The following DHX30 variants were observed in gnomAD, a reference collection of about 807,000 sequenced individuals.
The protein encoded by DHX30 is ATP-dependent RNA helicase DHX30.
A neutral mutation model predicts 116.9 loss-of-function variants in DHX30; 4 were observed. The ratio of observed to expected loss-of-function variants is 0.03; its 90% CI spans 0.02 to 0.08. The LOEUF (loss-of-function observed/expected upper bound fraction) is 0.08. Ranked by LOEUF, DHX30 falls within the 10% of genes least tolerant of loss-of-function variation. The probability of loss-of-function intolerance (pLI) is 1.00; values close to 1 mark genes in which losing one functional copy is unlikely to be tolerated. For synonymous variants in DHX30, 697 were observed against 651.7 expected (o/e 1.07, Z -1.06); for missense variants, 871 against 1,595.1 (o/e 0.55, Z 7.73).
At chr3:47,819,500 G>A (rs1576473503) in intron 4 of DHX30, among the ~76,000 whole-genome samples, 1 of 152,206 alleles carries the variant, frequency 6.6e-6, no homozygotes, top group East Asian at 1.9e-4. Context: ...CCTCCAGGAG[G>A]CATCCGTGGG....
At chr3:47,824,400 G>T (rs1365357781) in intron 4 of DHX30, among the ~76,000 whole-genome samples, 1 of 152,162 alleles carries the variant, frequency 6.6e-6, no homozygotes, top group Non-Finnish European at 1.5e-5. Flanking sequence ...CAGCCCTGGG[G>T]ATTAAATCTG....
intron 9 of DHX30, among the ~76,000 whole-genome samples, chr3:47,843,813 C>T (rs182143931): frequency 2.6e-5 from 4 of 152,330 alleles, no homozygotes; most frequent in African/African-American, 9.6e-5. Context: ...ATCCTTTCAC[C>T]TCAGCCTCCT....
rs2037601159 is a variant in DHX30, at chr3:47,846,227, C to T, written c.1155C>T (p.Pro385=). The change falls in exon 11 of 22, where the codon CCC becomes CCT. Residue 385 remains proline (P), a synonymous_variant. Coordinates refer to ENST00000445061, the MANE Select transcript of DHX30 (RefSeq NM_138615.3). The part of the protein sequence containing the change: ...ELRLQSDDIL[P]LGKDSGPLSD... ...GGCTGCAGAGTGATGACATCTTGCC[C>T]TTGGGCAAGGACTCAGGGCCTCTGA... 2 of 1,614,048 alleles carry T rather than the reference C, an allele frequency of 1.2e-6. No homozygotes were observed. The highest frequency in any genetic ancestry group is 1.7e-6 in the Non-Finnish European group (2 of 1,180,052).
intron 4 of DHX30, among the ~76,000 whole-genome samples, chr3:47,823,510 C>T (rs1390552069): frequency 2.0e-5 from 3 of 151,976 alleles, no homozygotes; most frequent in South Asian, 2.1e-4. Context: ...ACTACAGGCG[C>T]GTGCCACCAT....
At chr3:47,819,247 A>G in intron 4 of DHX30, 1 of 1,367,894 alleles carries the variant, frequency 7.3e-7, no homozygotes, top group South Asian at 1.1e-5. Flanking sequence ...CTGAACGTTA[A>G]CATTTCCAAC....
intron 4 of DHX30, among the ~76,000 whole-genome samples, chr3:47,824,492 A>G (rs910162937): frequency 1.3e-5 from 2 of 151,986 alleles, no homozygotes; most frequent in Admixed American, 1.3e-4. Flanking sequence ...GGGTTTCACT[A>G]TGCTGCCCAG....
At chr3:47,843,522 C>T (rs778187820) in intron 9 of DHX30, among the ~76,000 whole-genome samples, 2 of 152,192 alleles carry the variant, frequency 1.3e-5, no homozygotes, top group Non-Finnish European at 2.9e-5. Context: ...AGGAAACTTG[C>T]TCATTGTTCT....
intron 8 of DHX30, chr3:47,842,787 A>T (rs1316016700): frequency 4.0e-6 from 1 of 248,878 alleles, no homozygotes; most frequent in African/African-American, 2.2e-5. Flanking sequence ...TTTTTAGCTC[A>T]TGCTGACAGC....
chr3:47,819,196 T>G (rs576805169), intron 4 of DHX30: 17 of 1,255,646 alleles, frequency 1.4e-5, no homozygotes, highest in East Asian at 4.8e-5. Context: ...TTGATTGCCC[T>G]TTTTTTTTTC....
In DHX30 at chr3:47,850,101, G is replaced by A. The variant is rs560785305; in HGVS notation, c.3566G>A (p.Arg1189His). Residue 1189 changes from arginine (R) to histidine (H), a missense_variant, in exon 22 of 22, where the codon CGC becomes CAC. Coordinates refer to ENST00000445061, the MANE Select transcript of DHX30 (RefSeq NM_138615.3). ...GGACCCTGTGGCAGCTTTGATGTGC[G>A]CAAGACAGCTGACGACTGAGCCCTG... ...LRGPCGSFDVRKTADD is the reference protein window; with the variant it reads ...LRGPCGSFDVHKTADD 12 of 1,592,666 alleles carry A rather than the reference G, an allele frequency of 7.5e-6. No individual in the cohort carries two copies. Among genetic ancestry groups the A allele is most frequent in the South Asian group, 2.2e-5 (2 of 89,064 alleles).
chr3:47,835,818 T>G (rs1465371925), intron 6 of DHX30, among the ~76,000 whole-genome samples: 3 of 152,268 alleles, frequency 2.0e-5, no homozygotes, highest in Non-Finnish European at 4.4e-5. Context: ...CCAGTTTGGA[T>G]GCCTTTTTTT....
In DHX30 at chr3:47,845,548, C is replaced by T. The variant is rs1040542081; in HGVS notation, c.940-152C>T. The T allele has an allele frequency of 6.3e-6, 5 of 791,242 alleles. No individual in the cohort carries two copies. In the African/African-American group the frequency reaches 8.8e-5, roughly 14 times the overall value. The allele number at this position is 791,242 out of a possible 1,614,324, so 49.0% of individuals were successfully genotyped here. On this transcript the variant is annotated intron_variant, in intron 9 of 21. Coordinates refer to ENST00000445061, the MANE Select transcript of DHX30 (RefSeq NM_138615.3). ...TTGGTAAGTTAACATTTTCCTAGTT[C>T]ATAATTTCTCCCTCCATCACCATGT...
At position 47,840,751 on chromosome 3, in the gene DHX30, G is replaced by A. The variant is rs1354412434; in HGVS notation, c.367-126G>A. On this transcript the variant is annotated intron_variant, in intron 6 of 21. Transcript: ENST00000445061. The stretch of plus-strand genomic sequence containing the variant: ...CATGCCCAGTTCTGGACTAGGGGCT[G>A]AAGTGGGTAAACAGATGAAAAACCA... The A allele has an allele frequency of 3.4e-6, 4 of 1,175,298 alleles. No individual in the cohort carries two copies. The Admixed American group carries it at 9.8e-5, about 29-fold the overall frequency. The allele number at this position is 1,175,298 out of a possible 1,614,324, so 72.8% of individuals were successfully genotyped here.
intron 3 of DHX30, among the ~76,000 whole-genome samples, chr3:47,811,258 A>G (rs1159575219): frequency 6.6e-6 from 1 of 151,978 alleles, no homozygotes. Context: ...CTGGCCTCTA[A>G]AATCCTATTT....
At chr3:47,814,847 T>C (rs1321750277) in intron 3 of DHX30, among the ~76,000 whole-genome samples, 1 of 151,810 alleles carries the variant, frequency 6.6e-6, no homozygotes, top group Non-Finnish European at 1.5e-5. Context: ...TTTGTTTTGT[T>C]TTGTTCTGTA....
chr3:47,815,682 G>A (rs868625893), intron 3 of DHX30, among the ~76,000 whole-genome samples: 7 of 139,354 alleles, frequency 5.0e-5, no homozygotes, highest in African/African-American at 8.1e-5. Context: ...TAATGCCATC[G>A]GACTCAGGCT....
intron 6 of DHX30, among the ~76,000 whole-genome samples, chr3:47,838,854 C>T (rs2037237685): frequency 1.3e-5 from 2 of 152,206 alleles, no homozygotes; most frequent in Admixed American, 6.5e-5. Context: ...TTCTCTTCTG[C>T]TGCTTAGATT....
chr3:47,827,523 G>T (rs530130060), intron 5 of DHX30, 46 bp downstream of exon 5: 2 of 1,586,048 alleles, frequency 1.3e-6, no homozygotes, highest in African/African-American at 1.4e-5. Flanking sequence ...GACTCAGAAA[G>T]GAGGCTGTTT....
intron 2 of DHX30, among the ~76,000 whole-genome samples, chr3:47,809,731 A>G (rs912597454): frequency 1.4e-4 from 21 of 152,164 alleles, no homozygotes; most frequent in African/African-American, 4.8e-4. Context: ...CCTCCCCACA[A>G]TTTGAGAATG....
Sources: allele counts gnomAD v4.1 joint callset (sites outside exome capture counted in the v4.1 genomes callset), GRCh38; gene constraint gnomAD v4.1.1; transcripts MANE v1.5; gene names NCBI Gene and HGNC (gene_info 2026-07-23, HGNC 2026-07-21).